The following GPC6 variants were observed in gnomAD, a reference collection of about 807,000 sequenced individuals.
GPC6 encodes the protein glypican-6.
GPC6 carries 14 observed loss-of-function variants against 55.2 expected under a neutral mutation model. The ratio of observed to expected loss-of-function variants is 0.25; its 90% CI spans 0.17 to 0.40. GPC6 has a LOEUF of 0.40. Ranked by LOEUF, GPC6 falls within the 10% of genes least tolerant of loss-of-function variation. The probability of loss-of-function intolerance (pLI) is 1.00; values close to 1 mark genes in which losing one functional copy is unlikely to be tolerated. For missense variants in GPC6, 641 were observed against 708.5 expected, an observed-to-expected ratio of 0.90 and a Z score of 1.08; for synonymous variants, 278 against 259.6, an observed-to-expected ratio of 1.07 and a Z score of -0.68.
chr13:94,020,502 C>A (rs910779785), intron 3 of GPC6, among the ~76,000 whole-genome samples: 6 of 152,120 alleles, frequency 3.9e-5, no homozygotes, highest in Non-Finnish European at 7.3e-5. Context: ...TCTGTCATGT[C>A]ATTTTTTGCT....
At chr13:93,746,178 A>T (rs1884391666) in intron 2 of GPC6, among the ~76,000 whole-genome samples, 1 of 152,232 alleles carries the variant, frequency 6.6e-6, no homozygotes, top group African/African-American at 2.4e-5. Context: ...ATTTATAGCA[A>T]GTCAGGGTGA....
chr13:94,115,134 G>C (rs1452113723), intron 4 of GPC6, among the ~76,000 whole-genome samples: 1 of 152,114 alleles, frequency 6.6e-6, no homozygotes, highest in East Asian at 1.9e-4. Context: ...AAGGAAACCA[G>C]GCCATAGGTT....
intron 1 of GPC6, among the ~76,000 whole-genome samples, chr13:93,462,867 G>T (rs1205989993): frequency 1.3e-5 from 2 of 152,056 alleles, no homozygotes; most frequent in African/African-American, 4.8e-5. Flanking sequence ...TGCATCACCT[G>T]TGTCCTTCCT....
chr13:94,225,576 C>T (rs979594182), intron 4 of GPC6, among the ~76,000 whole-genome samples: 2 of 151,720 alleles, frequency 1.3e-5, no homozygotes, highest in African/African-American at 4.8e-5. Flanking sequence ...TTTCCATGAA[C>T]ATTTTGAAGA....
chr13:94,048,395 A>T (rs1393637315), intron 4 of GPC6, among the ~76,000 whole-genome samples: 2 of 152,082 alleles, frequency 1.3e-5, no homozygotes, highest in Non-Finnish European at 2.9e-5. Context: ...ACCAGGATAA[A>T]TGAAGTTAGT....
chr13:93,302,390 G>A (rs1258983934), intron 1 of GPC6, among the ~76,000 whole-genome samples: 1 of 152,144 alleles, frequency 6.6e-6, no homozygotes, highest in African/African-American at 2.4e-5. Flanking sequence ...TTCTCCAAAG[G>A]ATTTCCACAT....
intron 2 of GPC6, among the ~76,000 whole-genome samples, chr13:93,766,430 G>A (rs961785927): frequency 1.3e-5 from 2 of 152,074 alleles, no homozygotes; most frequent in Non-Finnish European, 2.9e-5. Flanking sequence ...TGTGCCCATC[G>A]TTAACAATAC....
At chr13:94,117,080 T>C (rs2138847987) in intron 4 of GPC6, among the ~76,000 whole-genome samples, 1 of 152,226 alleles carries the variant, frequency 6.6e-6, no homozygotes, top group East Asian at 1.9e-4. Flanking sequence ...GCAGCGACGT[T>C]AATATCTTGT....
chr13:93,496,011 A>G (rs1405547858), intron 1 of GPC6, among the ~76,000 whole-genome samples: 1 of 151,370 alleles, frequency 6.6e-6, no homozygotes, highest in Non-Finnish European at 1.5e-5. Context: ...GGTGGATCCT[A>G]CAGAGGGAGG....
chr13:93,616,228 TA>T (rs926555317), intron 2 of GPC6, among the ~76,000 whole-genome samples: 1 of 152,022 alleles, frequency 6.6e-6, no homozygotes, highest in Non-Finnish European at 1.5e-5. Context: ...ACATTCAAAA[TA>T]AAAAATTGAA....
chr13:94,099,602 G>A (rs1419468060), intron 4 of GPC6, among the ~76,000 whole-genome samples: 1 of 152,058 alleles, frequency 6.6e-6, no homozygotes, highest in Non-Finnish European at 1.5e-5. Flanking sequence ...AAAAGGTAAA[G>A]GTATTTGCTT....
intron 3 of GPC6, among the ~76,000 whole-genome samples, chr13:93,881,695 G>A (rs1399089537): frequency 6.6e-6 from 1 of 151,708 alleles, no homozygotes; most frequent in African/African-American, 2.4e-5. Flanking sequence ...GTATCCATCC[G>A]TGTTTGTATA....
rs1260316385 is a variant in GPC6, at chr13:93,825,310, AC to A, written c.320-4840del. Among the ~76,000 whole-genome samples, 9 of 152,228 alleles carry A rather than the reference AC, an allele frequency of 5.9e-5. No individual in the cohort carries two copies. In the South Asian group the frequency reaches 1.5e-3, roughly 25 times the overall value. On this transcript the variant is annotated intron_variant, in intron 2 of 8. Transcript: ENST00000377047. ...CAATATACAGCACAGTGCTCCCCAAACCCCTGCCCAAAGAAAGAATTATCCA... is the reference window on the plus strand; with the variant it reads ...CAATATACAGCACAGTGCTCCCCAAACCCTGCCCAAAGAAAGAATTATCCA...
At chr13:93,847,939 G>A (rs992676541) in intron 3 of GPC6, among the ~76,000 whole-genome samples, 4 of 152,036 alleles carry the variant, frequency 2.6e-5, no homozygotes, top group Admixed American at 6.6e-5. Flanking sequence ...AATTCTCTTC[G>A]TTAAATTAAT....
intron 1 of GPC6, among the ~76,000 whole-genome samples, chr13:93,282,064 T>A (rs1042980171): frequency 7.9e-5 from 12 of 152,330 alleles, no homozygotes; most frequent in South Asian, 2.1e-4. Flanking sequence ...TCGAATTAAG[T>A]AATATTTACT....
intron 3 of GPC6, among the ~76,000 whole-genome samples, chr13:93,986,383 G>A (rs922391884): frequency 6.6e-6 from 1 of 152,178 alleles, no homozygotes; most frequent in African/African-American, 2.4e-5. Flanking sequence ...TAAGGCTTGT[G>A]TGATAATTTC....
At chr13:93,498,150 T>G (rs1489495200) in intron 1 of GPC6, among the ~76,000 whole-genome samples, 1 of 152,162 alleles carries the variant, frequency 6.6e-6, no homozygotes, top group Non-Finnish European at 1.5e-5. Flanking sequence ...AATTTGTTTC[T>G]CCTGTTCTTT....
In GPC6 at chr13:93,273,994, G is replaced by A. The variant is rs545650705; in HGVS notation, c.160+46378G>A. Among the ~76,000 whole-genome samples, 147 of 151,814 alleles carry A rather than the reference G, an allele frequency of 9.7e-4. 1 individual carries two copies. Among genetic ancestry groups the A allele is most frequent in the African/African-American group, 3.1e-3 (129 of 41,418 alleles). On this transcript the variant is annotated intron_variant, in intron 1 of 8. Transcript: ENST00000377047. ...AGCTAATTTTTGTATTTTTAGTAGAGATGGGGTTTCACCATGTTGGCCAGG... is the reference window on the plus strand; with the variant it reads ...AGCTAATTTTTGTATTTTTAGTAGAAATGGGGTTTCACCATGTTGGCCAGG...
At chr13:93,830,939 T>A (rs960312722) in intron 3 of GPC6, 1 of 175,158 alleles carries the variant, frequency 5.7e-6, no homozygotes, top group African/African-American at 2.4e-5. Flanking sequence ...GGAGTCAAGA[T>A]GACAGTCTTC....
Sources: allele counts gnomAD v4.1 joint callset (sites outside exome capture counted in the v4.1 genomes callset), GRCh38; gene constraint gnomAD v4.1.1; transcripts MANE v1.5; gene names NCBI Gene and HGNC (gene_info 2026-07-23, HGNC 2026-07-21).